Variants in EPB41L3 observed in about 807,000 individuals in gnomAD.
The protein encoded by EPB41L3 is band 4.1-like protein 3.
Under a neutral mutation model 127.1 loss-of-function variants are expected in EPB41L3, and 57 were observed. That is an observed-to-expected ratio of 0.45 (90% CI 0.36 to 0.56). The LOEUF (loss-of-function observed/expected upper bound fraction) is 0.56, where lower values mean the gene tolerates loss of function less well. EPB41L3 is among the 20% of genes least tolerant of loss of function. The pLI, the probability that EPB41L3 is intolerant of heterozygous loss-of-function variation, is 0.00. For missense variants in EPB41L3, 1,273 were observed against 1,372.2 expected (o/e 0.93, Z 1.14); for synonymous variants, 572 against 549.5 (o/e 1.04, Z -0.57).
intron 3 of EPB41L3, among the ~76,000 whole-genome samples, chr18:5,465,612 C>T (rs1170770023): frequency 2.0e-5 from 3 of 151,992 alleles, no homozygotes; most frequent in African/African-American, 7.3e-5. Context: ...TTCAAATTTG[C>T]CAGCCACTGC....
At chr18:5,502,317 C>G (rs2064350158) in intron 1 of EPB41L3, among the ~76,000 whole-genome samples, 1 of 151,332 alleles carries the variant, frequency 6.6e-6, no homozygotes, top group African/African-American at 2.4e-5. Context: ...AAAAAAAAAA[C>G]CTGAAAGGCT....
At chr18:5,550,489 A>G (rs944824744) in intron 3 of EPB41L3, among the ~76,000 whole-genome samples, 1 of 152,198 alleles carries the variant, frequency 6.6e-6, no homozygotes, top group African/African-American at 2.4e-5. Flanking sequence ...ATAAACTTAA[A>G]TCTGGTTTTA....
intron 9 of EPB41L3, among the ~76,000 whole-genome samples, chr18:5,426,134 T>G (rs2078144930): frequency 6.6e-6 from 1 of 152,184 alleles, no homozygotes. Context: ...GTTTTGGGCC[T>G]TTTCTTTCTC....
At chr18:5,610,110 A>G in intron 3 of EPB41L3, 1 of 985,446 alleles carries the variant, frequency 1.0e-6, no homozygotes, top group Non-Finnish European at 1.2e-6. Flanking sequence ...AACAAAGAGA[A>G]GTCAACAGCT....
intron 1 of EPB41L3, among the ~76,000 whole-genome samples, chr18:5,541,277 A>AAAAT: frequency 6.7e-6 from 1 of 149,004 alleles, no homozygotes; most frequent in South Asian, 2.1e-4. Flanking sequence ...AAAAAAAAAA[A>AAAAT]GTCTCTCTCT....
In EPB41L3 at chr18:5,445,889, TG is replaced by T. The variant is rs946347918; in HGVS notation, c.382-646del. 5.3e-5 allele frequency among the ~76,000 whole-genome samples: 8 copies of T among 152,254 alleles called. 1 individual carries two copies. Among genetic ancestry groups the T allele is most frequent in the Admixed American group, 4.6e-4 (7 of 15,288 alleles). ...GCGCTCCTTATGAGAATCTAATGCC[TG>T]ATGATGTGAGGTGGATCAGTTTCAT... On this transcript the variant is annotated intron_variant, in intron 3 of 22. Coordinates refer to ENST00000341928, the MANE Select transcript of EPB41L3 (RefSeq NM_012307.5).
intron 1 of EPB41L3, among the ~76,000 whole-genome samples, chr18:5,542,603 CAG>C (rs2093764110): frequency 6.6e-6 from 1 of 152,204 alleles, no homozygotes; most frequent in Admixed American, 6.5e-5. Context: ...CCGGCCCTCT[CAG>C]GACCTCCCAG....
chr18:5,449,277 C>T (rs565649974), intron 3 of EPB41L3, among the ~76,000 whole-genome samples: 23 of 152,242 alleles, frequency 1.5e-4, no homozygotes, highest in East Asian at 5.8e-4. Context: ...AAAACAACAG[C>T]GAGATACCTC....
At position 5,542,216 on chromosome 18, in the gene EPB41L3, T is replaced by C. The variant is rs559288415; in HGVS notation, c.-12+1697A>G. On this transcript the variant is annotated intron_variant, in intron 1 of 22. Coordinates refer to ENST00000341928, the MANE Select transcript of EPB41L3 (RefSeq NM_012307.5). ...GTCCCCAGAGTTCACTGGAGCTTGA[T>C]GTGCTGCTCTCTTTTCTTAATAGGG... is the stretch of plus-strand genomic sequence containing the variant. 9.6e-4 allele frequency among the ~76,000 whole-genome samples: 146 copies of C among 152,344 alleles called. 1 individual carries two copies. Among genetic ancestry groups the C allele is most frequent in the Middle Eastern group, 6.8e-3 (2 of 294 alleles).
intron 3 of EPB41L3, among the ~76,000 whole-genome samples, chr18:5,571,880 G>A (rs776645493): frequency 6.6e-6 from 1 of 152,180 alleles, no homozygotes; most frequent in Non-Finnish European, 1.5e-5. Context: ...AAGCCCAGTT[G>A]GGAAAAATAT....
At chr18:5,495,940 G>A (rs1465699130) in intron 1 of EPB41L3, among the ~76,000 whole-genome samples, 1 of 152,158 alleles carries the variant, frequency 6.6e-6, no homozygotes, top group Admixed American at 6.5e-5. Context: ...AAGGCCCAAG[G>A]GCATAAAGGT....
At chr18:5,460,761 A>T (rs2083859804) in intron 3 of EPB41L3, among the ~76,000 whole-genome samples, 1 of 152,198 alleles carries the variant, frequency 6.6e-6, no homozygotes, top group Non-Finnish European at 1.5e-5. Flanking sequence ...TGTGGCATGG[A>T]CACCGGGTTG....
At chr18:5,409,863 G>A (rs1425936552) in intron 14 of EPB41L3, among the ~76,000 whole-genome samples, 1 of 151,956 alleles carries the variant, frequency 6.6e-6, no homozygotes, top group Non-Finnish European at 1.5e-5. Flanking sequence ...CTACTTAATG[G>A]TAGAGAAGAT....
chr18:5,420,085 A>C, intron 11 of EPB41L3: 1 of 994,422 alleles, frequency 1.0e-6, no homozygotes, highest in Non-Finnish European at 1.4e-6. Flanking sequence ...AGGGACCTTC[A>C]TGAGAGCATG....
intron 1 of EPB41L3, among the ~76,000 whole-genome samples, chr18:5,620,751 G>C (rs2094851555): frequency 6.6e-6 from 1 of 151,970 alleles, no homozygotes; most frequent in Non-Finnish European, 1.5e-5. Flanking sequence ...CTAACTATTA[G>C]AGAAAAAGTA....
chr18:5,458,377 G>C lies in EPB41L3; in HGVS notation c.382-13133C>G, dbSNP rs76060919. Among the ~76,000 whole-genome samples the C allele has an allele frequency of 7.8e-3, 1,195 of 152,260 alleles. 12 individuals are homozygous for C. Among genetic ancestry groups the C allele is most frequent in the African/African-American group, 0.026 (1,072 of 41,542 alleles). ...TGGTTTTACTCTATTACTTTGATTT[G>C]ATACACATTTTATCCTTCACAATAT... On this transcript the variant is annotated intron_variant, in intron 3 of 22. Coordinates refer to ENST00000341928, the MANE Select transcript of EPB41L3 (RefSeq NM_012307.5).
intron 21 of EPB41L3, 68 bp downstream of exon 21, chr18:5,394,999 G>C: frequency 6.7e-7 from 1 of 1,482,480 alleles, no homozygotes; most frequent in Non-Finnish European, 9.4e-7. Flanking sequence ...GAATAGCATT[G>C]AAACTGTAGG....
intron 1 of EPB41L3, among the ~76,000 whole-genome samples, chr18:5,535,847 G>T (rs545565340): frequency 7.2e-5 from 11 of 152,342 alleles, no homozygotes; most frequent in African/African-American, 2.6e-4. Context: ...TATGACATTT[G>T]TTACCATTCT....
At chr18:5,531,882 A>G (rs1322408882) in intron 1 of EPB41L3, among the ~76,000 whole-genome samples, 1 of 152,222 alleles carries the variant, frequency 6.6e-6, no homozygotes, top group Admixed American at 6.5e-5. Flanking sequence ...GAGCAGTAGA[A>G]GAAACTGAGC....
Sources: allele counts gnomAD v4.1 joint callset (sites outside exome capture counted in the v4.1 genomes callset), GRCh38; gene constraint gnomAD v4.1.1; transcripts MANE v1.5; gene names NCBI Gene and HGNC (gene_info 2026-07-23, HGNC 2026-07-21).